Variants in PNLDC1 observed in about 807,000 individuals in gnomAD.
PNLDC1 encodes PARN like ribonuclease domain containing exonuclease 1.
Under a neutral mutation model 82.0 loss-of-function variants are expected in PNLDC1, and 70 were observed. The observed-to-expected ratio is 0.85, with a 90% CI of 0.70 to 1.04. The LOEUF (loss-of-function observed/expected upper bound fraction) is 1.04, where lower values mean the gene tolerates loss of function less well. PNLDC1 is among the 50% of genes least tolerant of loss of function. The pLI, the probability that PNLDC1 is intolerant of heterozygous loss-of-function variation, is 0.00. For missense variants in PNLDC1, 631 were observed against 661.1 expected, an observed-to-expected ratio of 0.95 and a Z score of 0.50; for synonymous variants, 280 against 249.3, an observed-to-expected ratio of 1.12 and a Z score of -1.16.
In PNLDC1 at chr6:159,819,431, C is replaced by A; in HGVS notation, c.1532+79C>A. ...GTCCCAGCATCCCAGCATGGTCTGACTCGAGCACAGCTCACTTGCTGGTGT... is the reference window on the plus strand; with the variant it reads ...GTCCCAGCATCCCAGCATGGTCTGAATCGAGCACAGCTCACTTGCTGGTGT... On this transcript the variant is annotated intron_variant, in intron 18 of 18. Coordinates refer to ENST00000392167, the MANE Select transcript of PNLDC1 (RefSeq NM_001271862.2). The surrounding 1 kb of genome is among the most constrained non-coding windows in gnomAD (Gnocchi z 4.6). The A allele has an allele frequency of 7.9e-7, 1 of 1,262,610 alleles. No individual in the cohort carries two copies. Among genetic ancestry groups the A allele is most frequent in the Non-Finnish European group, 1.1e-6 (1 of 897,900 alleles). 78.2% of individuals were successfully genotyped at this position (1,262,610 alleles called of 1,614,324 possible).
Position 159,804,002 on chromosome 6 carries a change from A to C in PNLDC1, c.286A>C (p.Thr96Pro), listed in dbSNP as rs748393092. Residue 96 changes from threonine (T) to proline (P), a missense_variant, in exon 5 of 19, where the codon ACA (threonine) becomes CCA (proline). Coordinates refer to ENST00000392167, the MANE Select transcript of PNLDC1 (RefSeq NM_001271862.2). ...TTCTTGTAACTTCTATCTCTTCCCTACAACGTTTGGGATTTTGGACTCAGA... is the reference window on the plus strand; with the variant it reads ...TTCTTGTAACTTCTATCTCTTCCCTCCAACGTTTGGGATTTTGGACTCAGA... ...AHSCNFYLFPTTFGILDSEFS... is the reference protein window; with the variant it reads ...AHSCNFYLFPPTFGILDSEFS... 8.1e-6 allele frequency: 13 copies of C among 1,613,352 alleles called. No individual in the cohort carries two copies. Among genetic ancestry groups the C allele is most frequent in the African/African-American group, 4.0e-5 (3 of 74,860 alleles).
chr6:159,804,165 G>A, intron 5 of PNLDC1, 77 bp downstream of exon 5: 5 of 1,516,476 alleles, frequency 3.3e-6, no homozygotes, highest in Admixed American at 1.9e-5. Flanking sequence ...TGCCCAGGCT[G>A]GAGTGCAGTG....
At chr6:159,817,465 G>A (rs1781873533) in intron 15 of PNLDC1, among the ~76,000 whole-genome samples, 2 of 152,236 alleles carry the variant, frequency 1.3e-5, no homozygotes, top group Admixed American at 1.3e-4. Flanking sequence ...TCCCAGCCTG[G>A]TGTGTGCTTG....
chr6:159,806,161 A>G, intron 7 of PNLDC1, 78 bp downstream of exon 7: 1 of 1,125,982 alleles, frequency 8.9e-7, no homozygotes, highest in Non-Finnish European at 1.3e-6. Context: ...GGGGAAACAC[A>G]CCCTTTCTTG....
chr6:159,815,858 A>G (rs1012186938), intron 12 of PNLDC1, 111 bp from the exon 13 acceptor site: 1 of 769,468 alleles, frequency 1.3e-6, no homozygotes. Context: ...CCTTAAAGAT[A>G]TGTCCTCAGT....
intron 12 of PNLDC1, among the ~76,000 whole-genome samples, chr6:159,814,263 A>G (rs374480429): frequency 8.9e-4 from 136 of 152,314 alleles, no homozygotes; most frequent in African/African-American, 3.1e-3. Flanking sequence ...CGTTTGGAAC[A>G]GGGATGGCAC....
intron 11 of PNLDC1, among the ~76,000 whole-genome samples, chr6:159,812,179 G>A (rs992198890): frequency 6.6e-6 from 1 of 152,138 alleles, no homozygotes; most frequent in African/African-American, 2.4e-5. Flanking sequence ...GGATTACAGG[G>A]GTGAGCCACT....
At chr6:159,814,372 A>G (rs191913304) in intron 12 of PNLDC1, among the ~76,000 whole-genome samples, 67 of 152,062 alleles carry the variant, frequency 4.4e-4, no homozygotes, top group African/African-American at 1.5e-3. Context: ...CCCCTCCTCA[A>G]CCGTGTTCCT....
intron 5 of PNLDC1, 58 bp downstream of exon 5, chr6:159,804,146 T>G: frequency 1.3e-6 from 2 of 1,587,852 alleles, no homozygotes; most frequent in East Asian, 2.2e-5. Context: ...AGATGGAGTC[T>G]CGCTCTGTTG....
chr6:159,816,178 C>CCCCCACCTCCCCCTGCCCCACCCACA, intron 13 of PNLDC1, 145 bp downstream of exon 13: 1 of 453,370 alleles, frequency 2.2e-6, no homozygotes, highest in South Asian at 2.4e-5. Context: ...CCTCCCCTCC[C>CCCCCACCTCCCCCTGCCCCACCCACA]CCCCACCTCT....
In PNLDC1 at chr6:159,816,385, G is replaced by C. The variant is rs145713920; in HGVS notation, c.1061-158G>C. Among the ~76,000 whole-genome samples, 303 of 151,426 alleles carry C rather than the reference G, an allele frequency of 2.0e-3. 3 individuals are homozygous for C. The highest frequency in any genetic ancestry group is 7.2e-3 in the African/African-American group (297 of 41,210). On this transcript the variant is annotated intron_variant, in intron 13 of 18. Coordinates refer to ENST00000392167, the MANE Select transcript of PNLDC1 (RefSeq NM_001271862.2). Reference sequence around the variant, plus strand: ...CTGATCTTGGGGCTTTCTCCACCGTGGGGAGGACCAAGGTGAAGTTGGTGT... The same window carrying C: ...CTGATCTTGGGGCTTTCTCCACCGTCGGGAGGACCAAGGTGAAGTTGGTGT...
At chr6:159,813,704 C>T in intron 12 of PNLDC1, 48 bp downstream of exon 12, 1 of 1,542,024 alleles carries the variant, frequency 6.5e-7, no homozygotes, top group South Asian at 1.1e-5. Context: ...CCTTGGTGGC[C>T]TCCCTGTGCT....
At chr6:159,800,419 A>G in intron 1 of PNLDC1, 36 bp downstream of exon 1, 1 of 1,538,790 alleles carries the variant, frequency 6.5e-7, no homozygotes, top group South Asian at 1.2e-5. Flanking sequence ...TGCCGGACAG[A>G]GCCCCTTGCC....
intron 12 of PNLDC1, among the ~76,000 whole-genome samples, chr6:159,815,050 G>C (rs1007509487): frequency 3.3e-5 from 5 of 152,190 alleles, no homozygotes; most frequent in Non-Finnish European, 7.3e-5. Context: ...TGAAGCAAAG[G>C]TTTCCTTGTC....
intron 6 of PNLDC1, 132 bp from the exon 7 acceptor site, chr6:159,805,851 C>A (rs1781427916): frequency 1.5e-6 from 1 of 683,146 alleles, no homozygotes; most frequent in African/African-American, 1.8e-5. Context: ...AAATCGTCTT[C>A]TTTTGGTACA....
rs772218288 is a variant in PNLDC1 at position 159,820,654 on chromosome 6, C to T, written c.*137C>T. 5 of 790,196 alleles carry T rather than the reference C, an allele frequency of 6.3e-6. No homozygotes were observed. The highest frequency in any genetic ancestry group is 3.4e-5 in the African/African-American group (2 of 58,874). The allele number at this position is 790,196 out of a possible 1,614,324, so 48.9% of individuals were successfully genotyped here. A position where few individuals can be genotyped will look rare whatever the true frequency, so the allele number is the denominator to read the frequency against. On this transcript the variant is annotated 3_prime_UTR_variant, in exon 19 of 19. Transcript: ENST00000392167. ...TCTAGAAATTCTGTTATGTCCTGAA[C>T]GTGAAATTCTGTCAACACTCTCAAT...
chr6:159,803,395 C>T (rs571514133), intron 4 of PNLDC1, 85 bp downstream of exon 4: 25 of 1,307,458 alleles, frequency 1.9e-5, no homozygotes, highest in South Asian at 6.0e-5. Flanking sequence ...TCAGGTGCCC[C>T]GATCACTTTT....
At chr6:159,814,886 G>A (rs1781763440) in intron 12 of PNLDC1, among the ~76,000 whole-genome samples, 1 of 152,166 alleles carries the variant, frequency 6.6e-6, no homozygotes, top group Admixed American at 6.5e-5. Context: ...ATGTAGTCCA[G>A]GTCTGTTGAA....
rs1246840269 is a variant in PNLDC1, at chr6:159,806,118, T to C, written c.562+35T>C. The C allele has an allele frequency of 3.9e-6, 6 of 1,523,512 alleles. No individual in the cohort carries two copies. The East Asian group carries it at 6.7e-5, about 17-fold the overall frequency. The allele number at this position is 1,523,512 out of a possible 1,614,324, so 94.4% of individuals were successfully genotyped here. ...GCCTGTTCCTCCCAACGCAGGAGCA[T>C]TGGGACAGGTCACTGTCACCTGCCA... On this transcript the variant is annotated intron_variant, in intron 7 of 18. Coordinates refer to ENST00000392167, the MANE Select transcript of PNLDC1 (RefSeq NM_001271862.2).
Sources: allele counts gnomAD v4.1 joint callset (sites outside exome capture counted in the v4.1 genomes callset), GRCh38; gene constraint gnomAD v4.1.1; non-coding constraint Gnocchi (gnomAD v3.1); transcripts MANE v1.5; gene names NCBI Gene and HGNC (gene_info 2026-07-23, HGNC 2026-07-21).